The following DOCK4 variants were observed in gnomAD, a reference collection of about 807,000 sequenced individuals.
The protein encoded by DOCK4 is dedicator of cytokinesis protein 4.
In DOCK4, 97 loss-of-function variants were observed where a neutral mutation model predicts 268.1. The observed-to-expected ratio is 0.36, with a 90% CI of 0.31 to 0.43. The LOEUF is 0.43. DOCK4 is among the 20% of genes least tolerant of loss of function. The pLI, the probability that DOCK4 is intolerant of heterozygous loss-of-function variation, is 1.00. For synonymous variants in DOCK4, 954 were observed against 887.2 expected (o/e 1.08, Z -1.34); for missense variants, 2,145 against 2,455.7 (o/e 0.87, Z 2.67).
intron 1 of DOCK4, among the ~76,000 whole-genome samples, chr7:112,205,668 T>G (rs1305590173): frequency 6.6e-6 from 1 of 152,124 alleles, no homozygotes; most frequent in Non-Finnish European, 1.5e-5. Flanking sequence ...TGCCCGAGTG[T>G]TGTTGTCTCC....
intron 13 of DOCK4, among the ~76,000 whole-genome samples, chr7:111,910,733 G>GA: frequency 6.6e-6 from 1 of 152,300 alleles, no homozygotes; most frequent in East Asian, 1.9e-4. Context: ...CCAGACCGTG[G>GA]AACGCCTTCA....
chr7:112,100,011 T>C (rs984875057), intron 1 of DOCK4, among the ~76,000 whole-genome samples: 1 of 152,220 alleles, frequency 6.6e-6, no homozygotes, highest in Admixed American at 6.5e-5. Flanking sequence ...GTTATTATAA[T>C]TTTACAATCA....
chr7:112,066,709 A>ATGTGTG (rs1563052365), intron 1 of DOCK4, among the ~76,000 whole-genome samples: 2 of 77,830 alleles, frequency 2.6e-5, no homozygotes, highest in African/African-American at 1.1e-4. Context: ...ATATATATAT[A>ATGTGTG]TATATATATA....
rs960169324 is a variant in DOCK4 at position 112,194,848 on chromosome 7, A to C, written c.37+11254T>G. On this transcript the variant is annotated intron_variant, in intron 1 of 52. Coordinates refer to ENST00000428084, the MANE Select transcript of DOCK4 (RefSeq NM_001363540.2). ...TAAAACTCATTACAATAATTTCTAC[A>C]TAGTGTATACATGATATTGCCTAAC... Among the ~76,000 whole-genome samples, 12 of 152,232 alleles carry C rather than the reference A, an allele frequency of 7.9e-5. 1 individual carries two copies. The highest frequency in any genetic ancestry group is 6.5e-5 in the Admixed American group (1 of 15,286).
At chr7:111,922,591 C>CT (rs143135515) in intron 12 of DOCK4, among the ~76,000 whole-genome samples, 4 of 151,738 alleles carry the variant, frequency 2.6e-5, no homozygotes, top group Non-Finnish European at 4.4e-5. Flanking sequence ...GGGTTCAGTT[C>CT]TTTTTTTTCA....
At chr7:111,897,881 A>G (rs937585720) in intron 15 of DOCK4, among the ~76,000 whole-genome samples, 3 of 152,078 alleles carry the variant, frequency 2.0e-5, no homozygotes, top group Admixed American at 6.6e-5. Flanking sequence ...TTAAATGATC[A>G]CTTCATTCTC....
intron 14 of DOCK4, 65 bp downstream of exon 14, chr7:111,901,612 T>A: frequency 6.7e-7 from 1 of 1,489,106 alleles, no homozygotes; most frequent in Non-Finnish European, 9.2e-7. Flanking sequence ...ACTGATCACA[T>A]TAAAGATTAA....
chr7:111,882,492 T>C (rs751810018), intron 16 of DOCK4, among the ~76,000 whole-genome samples: 4 of 152,250 alleles, frequency 2.6e-5, no homozygotes, highest in Non-Finnish European at 5.9e-5. Flanking sequence ...TTTAAAAACC[T>C]GTATTAACTT....
intron 1 of DOCK4, among the ~76,000 whole-genome samples, chr7:112,027,309 C>T (rs999558824): frequency 3.3e-5 from 5 of 152,214 alleles, no homozygotes; most frequent in African/African-American, 1.2e-4. Flanking sequence ...ACTGCAACCT[C>T]CGCCTCCCGG....
chr7:112,192,073 G>GTA (rs149416376), intron 1 of DOCK4, among the ~76,000 whole-genome samples: 4 of 146,640 alleles, frequency 2.7e-5, no homozygotes, highest in African/African-American at 5.0e-5. Flanking sequence ...TTGTGTGTGT[G>GTA]TATATATATA....
At chr7:111,997,496 G>A (rs1167571886) in intron 4 of DOCK4, among the ~76,000 whole-genome samples, 5 of 152,118 alleles carry the variant, frequency 3.3e-5, no homozygotes, top group African/African-American at 1.2e-4. Context: ...TTAGCCACAT[G>A]CATAGGCTGT....
chr7:111,840,926 T>C (rs1052180324), intron 25 of DOCK4: 2 of 1,060,994 alleles, frequency 1.9e-6, no homozygotes, highest in Non-Finnish European at 2.6e-6. Flanking sequence ...AGAATGGATT[T>C]TGTGAAAGAC....
intron 11 of DOCK4, among the ~76,000 whole-genome samples, chr7:111,938,565 G>T (rs1238823095): frequency 6.6e-6 from 1 of 152,124 alleles, no homozygotes; most frequent in Admixed American, 6.6e-5. Flanking sequence ...TGGGGAGGTG[G>T]CACGGTGGTG....
At chr7:112,075,682 C>T (rs1484794835) in intron 1 of DOCK4, among the ~76,000 whole-genome samples, 8 of 152,096 alleles carry the variant, frequency 5.3e-5, no homozygotes, top group African/African-American at 1.7e-4. Flanking sequence ...TTACAAAGTA[C>T]TTCAACCTGG....
At chr7:111,889,309 C>T (rs923333209) in intron 16 of DOCK4, among the ~76,000 whole-genome samples, 2 of 152,026 alleles carry the variant, frequency 1.3e-5, no homozygotes, top group Non-Finnish European at 2.9e-5. Flanking sequence ...CAGATATGTT[C>T]CTGGCTTGTC....
At chr7:111,783,625 A>C (rs1044122523) in intron 34 of DOCK4, among the ~76,000 whole-genome samples, 7 of 151,918 alleles carry the variant, frequency 4.6e-5, no homozygotes, top group Admixed American at 4.6e-4. Flanking sequence ...ATTCACCAAG[A>C]CTTTGAAAGA....
chr7:112,177,721 G>A (rs1256188203), intron 1 of DOCK4, among the ~76,000 whole-genome samples: 1 of 146,114 alleles, frequency 6.8e-6, no homozygotes, highest in Non-Finnish European at 1.5e-5. Context: ...TGCTATAGGA[G>A]ACTACTGATT....
intron 1 of DOCK4, among the ~76,000 whole-genome samples, chr7:112,123,418 T>C (rs571729058): frequency 2.0e-5 from 3 of 152,168 alleles, no homozygotes; most frequent in East Asian, 1.9e-4. Flanking sequence ...TTAACATATA[T>C]CACAAAAAAG....
chr7:111,747,032 A>G (rs1210563757), intron 43 of DOCK4, among the ~76,000 whole-genome samples: 1 of 152,100 alleles, frequency 6.6e-6, no homozygotes, highest in African/African-American at 2.4e-5. Context: ...TTATTCATGC[A>G]AGAATGAACA....
Sources: allele counts gnomAD v4.1 joint callset (sites outside exome capture counted in the v4.1 genomes callset), GRCh38; gene constraint gnomAD v4.1.1; transcripts MANE v1.5; gene names NCBI Gene and HGNC (gene_info 2026-07-23, HGNC 2026-07-21).